Variants in ZFAT observed in about 807,000 individuals in gnomAD.
ZFAT encodes zinc finger and AT-hook domain containing, also known as zinc finger protein ZFAT.
A neutral mutation model predicts 117.7 loss-of-function variants in ZFAT; 64 were observed. The observed-to-expected ratio is 0.54, with a 90% confidence interval of 0.44 to 0.67. The LOEUF (loss-of-function observed/expected upper bound fraction) is 0.67, where lower values mean the gene tolerates loss of function less well. Ranked by LOEUF, ZFAT falls within the 30% of genes least tolerant of loss-of-function variation. The probability of loss-of-function intolerance (pLI) is 0.00; values close to 1 mark genes in which losing one functional copy is unlikely to be tolerated. For synonymous variants in ZFAT, 679 were observed against 615.0 expected (o/e 1.10, Z -1.54); for missense variants, 1,433 against 1,584.5 (o/e 0.90, Z 1.62).
At chr8:134,536,897 T>A (rs528855794) in intron 11 of ZFAT, among the ~76,000 whole-genome samples, 1 of 152,284 alleles carries the variant, frequency 6.6e-6, no homozygotes, top group African/African-American at 2.4e-5. Context: ...CAGGACAGAA[T>A]CCAGCCTAGA....
intron 1 of ZFAT, among the ~76,000 whole-genome samples, chr8:134,660,241 A>C (rs568849469): frequency 5.3e-5 from 8 of 152,346 alleles, no homozygotes; most frequent in Non-Finnish European, 1.0e-4. Flanking sequence ...ATTATGGGCA[A>C]GAGGCAGGGA....
chr8:134,735,172 T>C, the ZFAT span, among the ~76,000 whole-genome samples: 7 of 152,302 alleles, frequency 4.6e-5, no homozygotes, highest in Non-Finnish European at 1.5e-5. Flanking sequence ...AAAATCTGGG[T>C]CCATGGATTT....
chr8:134,640,612 G>C (rs1321989292), intron 2 of ZFAT, among the ~76,000 whole-genome samples: 1 of 152,108 alleles, frequency 6.6e-6, no homozygotes, highest in Non-Finnish European at 1.5e-5. Context: ...CAGCAAATCT[G>C]GGTGAATTAA....
the ZFAT span, among the ~76,000 whole-genome samples, chr8:134,770,525 C>T: frequency 5.3e-5 from 8 of 152,158 alleles, no homozygotes; most frequent in African/African-American, 1.9e-4. Context: ...GGAGGATGTA[C>T]GTTGCCTCAG....
chr8:134,639,677 C>A, intron 2 of ZFAT: 1 of 456,252 alleles, frequency 2.2e-6, no homozygotes, highest in East Asian at 6.9e-5. Flanking sequence ...AACTTTTCTC[C>A]TTATTCTTCT....
At chr8:134,594,549 A>G (rs2130892739) in intron 7 of ZFAT, among the ~76,000 whole-genome samples, 2 of 152,326 alleles carry the variant, frequency 1.3e-5, no homozygotes, top group Middle Eastern at 3.4e-3. Flanking sequence ...TTGAGAGACC[A>G]TCAGACTCAA....
chr8:134,563,765 T>G (rs1038161545), intron 11 of ZFAT, among the ~76,000 whole-genome samples: 5 of 152,132 alleles, frequency 3.3e-5, no homozygotes, highest in Admixed American at 2.6e-4. Flanking sequence ...CAATGGATGT[T>G]CAATAAACAC....
upstream of ZFAT, among the ~76,000 whole-genome samples, chr8:134,713,637 C>T (rs1012626580): frequency 6.6e-6 from 1 of 152,128 alleles, no homozygotes; most frequent in African/African-American, 2.4e-5. Context: ...TGCGCGCCTC[C>T]AACACCCGCT....
intron 11 of ZFAT, among the ~76,000 whole-genome samples, chr8:134,553,297 G>A (rs1388308673): frequency 3.3e-5 from 5 of 152,194 alleles, no homozygotes; most frequent in African/African-American, 1.2e-4. Flanking sequence ...AGAGTTAGGA[G>A]TTCACGACCA....
the ZFAT span, among the ~76,000 whole-genome samples, chr8:134,813,455 C>A: frequency 2.0e-5 from 3 of 152,202 alleles, no homozygotes; most frequent in Non-Finnish European, 4.4e-5. Flanking sequence ...CTGTTGTTGC[C>A]TAGGCTGCAG....
intron 6 of ZFAT, among the ~76,000 whole-genome samples, chr8:134,601,125 T>G (rs917548009): frequency 6.6e-6 from 1 of 152,300 alleles, no homozygotes; most frequent in East Asian, 1.9e-4. Context: ...GCCACTTTCA[T>G]AACCTCTCTT....
At chr8:134,813,077 C>G in the ZFAT span, among the ~76,000 whole-genome samples, 18 of 152,200 alleles carry the variant, frequency 1.2e-4, no homozygotes, top group Non-Finnish European at 2.2e-4. Flanking sequence ...TTTAACACAG[C>G]TGGAGATGTT....
chr8:134,812,975 ACT>A, the ZFAT span, among the ~76,000 whole-genome samples: 3 of 152,124 alleles, frequency 2.0e-5, no homozygotes, highest in East Asian at 3.9e-4. Flanking sequence ...TTCAGAGCCT[ACT>A]CTCTTACCTG....
At chr8:134,605,438 C>T (rs185038957) in intron 5 of ZFAT, among the ~76,000 whole-genome samples, 181 of 151,666 alleles carry the variant, frequency 1.2e-3, no homozygotes, top group African/African-American at 4.1e-3. Context: ...CCCAGCTACT[C>T]GGGAGGCTGA....
At chr8:134,755,248 CA>C in the ZFAT span, among the ~76,000 whole-genome samples, 5,735 of 114,328 alleles carry the variant, frequency 0.05, 144 homozygotes, top group Middle Eastern at 0.095. Context: ...TACTAAAATA[CA>C]AAAAAAAAAA....
intron 11 of ZFAT, among the ~76,000 whole-genome samples, chr8:134,538,650 A>T (rs1822018781): frequency 6.6e-6 from 1 of 152,020 alleles, no homozygotes. Flanking sequence ...TACAAAAATT[A>T]GCCGGGCATG....
intron 15 of ZFAT, 62 bp downstream of exon 15, chr8:134,509,557 G>A: frequency 1.2e-6 from 2 of 1,605,476 alleles, no homozygotes; most frequent in East Asian, 2.2e-5. Context: ...AACACAGGGA[G>A]AAGGAGAGAA....
At chr8:134,605,265 G>A (rs944846598) in intron 5 of ZFAT, among the ~76,000 whole-genome samples, 10 of 152,150 alleles carry the variant, frequency 6.6e-5, no homozygotes, top group Admixed American at 2.6e-4. Context: ...AAAGGAATCC[G>A]GCCAGGCGCA....
intron 15 of ZFAT, among the ~76,000 whole-genome samples, chr8:134,509,279 C>T (rs776785687): frequency 3.3e-5 from 5 of 152,164 alleles, no homozygotes; most frequent in South Asian, 2.1e-4. Flanking sequence ...TTACTAATGG[C>T]GCCTTAGGCA....
Sources: allele counts gnomAD v4.1 joint callset (sites outside exome capture counted in the v4.1 genomes callset), GRCh38; gene constraint gnomAD v4.1.1; transcripts MANE v1.5; gene names NCBI Gene and HGNC (gene_info 2026-07-23, HGNC 2026-07-21).